SMAD9: variants seen among roughly 807,000 people sequenced by gnomAD.
The protein encoded by SMAD9 is SMAD family member 9, also known as MAD homolog 9.
Under a neutral mutation model 46.1 loss-of-function variants are expected in SMAD9, and 36 were observed. The ratio of observed to expected loss-of-function variants is 0.78; its 90% confidence interval spans 0.60 to 1.03. The LOEUF is 1.03. Among genes scored for constraint, SMAD9 ranks in the 50% least tolerant of loss-of-function variants. The pLI is 0.00. For synonymous variants in SMAD9, 245 were observed against 237.1 expected, an observed-to-expected ratio of 1.03 and a Z score of -0.31; for missense variants, 572 against 599.8, an observed-to-expected ratio of 0.95 and a Z score of 0.48.
In SMAD9 at chr13:36,853,347, A is replaced by G. The variant is rs1280418564; in HGVS notation, c.1260+72T>C. On this transcript the variant is annotated intron_variant, in intron 6 of 6. Coordinates refer to ENST00000379826, the MANE Select transcript of SMAD9 (RefSeq NM_001127217.3). Reference sequence around the variant, plus strand: ...AGAATTGACCGCACAACTGCCTGCCACATCAGTCAGGGTGCTTTTTTGTTT... The same window carrying G: ...AGAATTGACCGCACAACTGCCTGCCGCATCAGTCAGGGTGCTTTTTTGTTT... 13 of 1,452,518 alleles carry G rather than the reference A, an allele frequency of 8.9e-6. 1 individual carries two copies. In the South Asian group the frequency reaches 1.5e-4, roughly 17 times the overall value. The allele number at this position is 1,452,518 out of a possible 1,614,324, so 90.0% of individuals were successfully genotyped here. A position where few individuals can be genotyped will look rare whatever the true frequency, so the allele number is the denominator to read the frequency against.
At chr13:36,895,587 C>T (rs190962343) in intron 1 of SMAD9, among the ~76,000 whole-genome samples, 1 of 152,318 alleles carries the variant, frequency 6.6e-6, no homozygotes, top group Non-Finnish European at 1.5e-5. Flanking sequence ...CCTGATTCTG[C>T]TCAATAATCA....
Position 36,863,624 on chromosome 13 carries a change from C to T in SMAD9, c.1003+1913G>A, listed in dbSNP as rs577981210. 1.1e-3 allele frequency among the ~76,000 whole-genome samples: 173 copies of T among 152,248 alleles called. 1 individual carries two copies. Among genetic ancestry groups the T allele is most frequent in the African/African-American group, 4.1e-3 (169 of 41,536 alleles). ...ACACAGAAGGATCTCTCATGATCTG[C>T]TTGGTGCCCTCCTTGAGGTAATGAG... On this transcript the variant is annotated intron_variant, in intron 5 of 6. Coordinates refer to ENST00000379826, the MANE Select transcript of SMAD9 (RefSeq NM_001127217.3).
intron 1 of SMAD9, among the ~76,000 whole-genome samples, chr13:36,907,912 T>C (rs895002696): frequency 6.6e-6 from 1 of 152,146 alleles, no homozygotes; most frequent in Non-Finnish European, 1.5e-5. Flanking sequence ...GAATCCCTGA[T>C]AAGGTAAAAT....
Position 36,847,136 on chromosome 13 carries a change from T to C in SMAD9, c.*1540A>G, listed in dbSNP as rs913444539. 1 of 152,208 alleles carries C rather than the reference T, an allele frequency of 6.6e-6. No homozygotes were observed. Among genetic ancestry groups the C allele is most frequent in the African/African-American group, 2.4e-5 (1 of 41,446 alleles). 9.4% of individuals were successfully genotyped at this position (152,208 alleles called of 1,614,324 possible). On this transcript the variant is annotated 3_prime_UTR_variant, in exon 7 of 7. Coordinates refer to ENST00000379826, the MANE Select transcript of SMAD9 (RefSeq NM_001127217.3). ...CACTAGTAACTGTAAGAGGTGACAG[T>C]AGTAGCTCAATCATATATCTTTCTC... is the stretch of plus-strand genomic sequence containing the variant.
At chr13:36,855,987 G>A (rs1199204025) in intron 5 of SMAD9, among the ~76,000 whole-genome samples, 2 of 152,006 alleles carry the variant, frequency 1.3e-5, no homozygotes, top group African/African-American at 4.8e-5. Flanking sequence ...TCTCATCGCT[G>A]TTACCCACTC....
intron 5 of SMAD9, among the ~76,000 whole-genome samples, chr13:36,860,503 G>A (rs537560461): frequency 1.3e-5 from 2 of 148,374 alleles, no homozygotes; most frequent in South Asian, 4.3e-4. Flanking sequence ...AGGCTGGAGT[G>A]CAGTGGCACC....
chr13:36,894,366 C>T (rs867512679), intron 1 of SMAD9, among the ~76,000 whole-genome samples: 1 of 152,148 alleles, frequency 6.6e-6, no homozygotes, highest in South Asian at 2.1e-4. Flanking sequence ...CTCTTGTCTG[C>T]CGCCATGAAA....
intron 5 of SMAD9, among the ~76,000 whole-genome samples, chr13:36,861,035 G>C (rs538019678): frequency 6.6e-6 from 1 of 152,258 alleles, no homozygotes; most frequent in African/African-American, 2.4e-5. Flanking sequence ...CTTTGTACCA[G>C]TTAACTGCTG....
chr13:36,869,057 T>TAGGC lies in SMAD9; in HGVS notation c.671-1678_671-1675dup, dbSNP rs1425160644. 3.3e-5 allele frequency among the ~76,000 whole-genome samples: 5 copies of TAGGC among 152,124 alleles called. No individual in the cohort carries two copies. The East Asian group carries it at 9.7e-4, about 29-fold the overall frequency. On this transcript the variant is annotated intron_variant, in intron 3 of 6. Transcript: ENST00000379826. ...AATCTAGTATATGAGGTACTTGCAA[T>TAGGC]AGGCAAATTCAGAGAGACAGAAAGT...
At chr13:36,905,018 C>T (rs912696732) in intron 1 of SMAD9, among the ~76,000 whole-genome samples, 11 of 152,196 alleles carry the variant, frequency 7.2e-5, no homozygotes, top group African/African-American at 2.4e-4. Flanking sequence ...AGGCTATTAT[C>T]ACACTGAGCA....
chr13:36,853,731 C>G, intron 5 of SMAD9, 56 bp from the exon 6 acceptor site: 1 of 1,594,236 alleles, frequency 6.3e-7, no homozygotes, highest in African/African-American at 1.3e-5. Flanking sequence ...CGTGCCTCTC[C>G]CACTGATTCC....
intron 4 of SMAD9, among the ~76,000 whole-genome samples, chr13:36,866,010 G>C (rs193113678): frequency 1.3e-5 from 2 of 152,082 alleles, no homozygotes; most frequent in Non-Finnish European, 2.9e-5. Context: ...ATTTATAAAT[G>C]TGTATTGGTC....
chr13:36,863,822 T>A (rs1295627035), intron 5 of SMAD9, among the ~76,000 whole-genome samples: 1 of 152,120 alleles, frequency 6.6e-6, no homozygotes, highest in East Asian at 1.9e-4. Flanking sequence ...CAGTACAGCC[T>A]GCAGACCCAT....
intron 1 of SMAD9, among the ~76,000 whole-genome samples, chr13:36,910,381 AC>A (rs2058652056): frequency 6.6e-6 from 1 of 152,080 alleles, no homozygotes; most frequent in Admixed American, 6.6e-5. Context: ...GCCTGATACT[AC>A]CATGGTGGAT....
rs1206915520 is a variant in SMAD9 at position 36,848,677 on chromosome 13, T to TAA, written c.1401_1402dup (p.Ter468PhefsTer13). On this transcript the variant is annotated frameshift_variant and stop_lost, in exon 7 of 7. Coordinates refer to ENST00000379826, the MANE Select transcript of SMAD9 (RefSeq NM_001127217.3). LOFTEE classifies it high-confidence loss of function. ...GAAATGCAGCTTAAGACATGACTGTTAAGACACTGAAGAAATGGGGTTATG... is the reference window on the plus strand; with the variant it reads ...GAAATGCAGCTTAAGACATGACTGTTAAAAGACACTGAAGAAATGGGGTTATG... The TAA allele has an allele frequency of 1.2e-6, 2 of 1,614,026 alleles. No homozygotes were observed. The highest frequency in any genetic ancestry group is 8.5e-7 in the Non-Finnish European group (1 of 1,179,988).
intron 6 of SMAD9, 45 bp downstream of exon 6, chr13:36,853,374 G>C: frequency 6.2e-7 from 1 of 1,608,040 alleles, no homozygotes; most frequent in Non-Finnish European, 8.5e-7. Context: ...TTTTTGTTTT[G>C]TTTTTCACTG....
chr13:36,887,148 G>A (rs2058453109), intron 1 of SMAD9, among the ~76,000 whole-genome samples: 1 of 146,066 alleles, frequency 6.8e-6, no homozygotes, highest in African/African-American at 2.5e-5. Context: ...GGGATTATAG[G>A]CATGAGCCAC....
chr13:36,887,040 GTTTTTTTTT>G (rs200264324), intron 1 of SMAD9, among the ~76,000 whole-genome samples: 2 of 102,550 alleles, frequency 2.0e-5, no homozygotes, highest in East Asian at 2.9e-4. Context: ...CTTTGAATGG[GTTTTTTTTT>G]TTTTTTTTTT....
At chr13:36,916,031 G>A (rs1403924490) in intron 1 of SMAD9, among the ~76,000 whole-genome samples, 1 of 152,294 alleles carries the variant, frequency 6.6e-6, no homozygotes, top group East Asian at 1.9e-4. Context: ...ATAATAGAAT[G>A]ACCAAGGCAC....
Sources: allele counts gnomAD v4.1 joint callset (sites outside exome capture counted in the v4.1 genomes callset), GRCh38; gene constraint gnomAD v4.1.1; transcripts MANE v1.5; gene names NCBI Gene and HGNC (gene_info 2026-07-23, HGNC 2026-07-21).